Variants in FBXO11 observed in about 807,000 individuals in gnomAD.
The protein encoded by FBXO11 is F-box protein 11.
A neutral mutation model predicts 117.0 loss-of-function variants in FBXO11; 13 were observed. The observed-to-expected ratio is 0.11, with a 90% CI of 0.07 to 0.18. The LOEUF is 0.18. Among genes scored for constraint, FBXO11 ranks in the 10% least tolerant of loss-of-function variants. The probability of loss-of-function intolerance (pLI) is 1.00; values close to 1 mark genes in which losing one functional copy is unlikely to be tolerated. For synonymous variants in FBXO11, 490 were observed against 380.5 expected, an observed-to-expected ratio of 1.29 and a Z score of -3.35; for missense variants, 767 against 1,164.4, an observed-to-expected ratio of 0.66 and a Z score of 4.97.
At chr2:47,885,527 C>T (rs1337706906) in intron 1 of FBXO11, among the ~76,000 whole-genome samples, 2 of 151,690 alleles carry the variant, frequency 1.3e-5, no homozygotes, top group Non-Finnish European at 2.9e-5. Flanking sequence ...GTGAGCCGAG[C>T]TCACACCACT....
intron 1 of FBXO11, among the ~76,000 whole-genome samples, chr2:47,896,255 C>A (rs982460065): frequency 1.3e-5 from 2 of 151,850 alleles, no homozygotes; most frequent in Non-Finnish European, 2.9e-5. Context: ...CTTTACTCTC[C>A]CCCTCCCCCA....
chr2:47,807,542 A>G lies in FBXO11; in HGVS notation c.*576T>C, dbSNP rs1481790533. ...TACATACTGGGACATGAGTACAGTTACAGCAAGTCTAGGTGTGCTAACAAA... is the reference window on the plus strand; with the variant it reads ...TACATACTGGGACATGAGTACAGTTGCAGCAAGTCTAGGTGTGCTAACAAA... On this transcript the variant is annotated 3_prime_UTR_variant, in exon 23 of 23. Transcript: ENST00000403359. 3.3e-5 allele frequency: 7 copies of G among 212,852 alleles called. No homozygotes were observed. Among genetic ancestry groups the G allele is most frequent in the African/African-American group, 1.6e-4 (7 of 44,194 alleles). 13.2% of individuals were successfully genotyped at this position (212,852 alleles called of 1,614,324 possible).
chr2:47,809,557 G>A (rs781350474), intron 20 of FBXO11, 43 bp downstream of exon 20: 3 of 1,351,602 alleles, frequency 2.2e-6, no homozygotes, highest in East Asian at 4.6e-5. Context: ...TATCTTTCAT[G>A]GCATATTGCA....
In FBXO11 at chr2:47,822,222, A is replaced by G. The variant is rs1671444750; in HGVS notation, c.1698T>C (p.Ile566=). The change falls in exon 13 of 23, where the codon ATT becomes ATC. Residue 566 remains isoleucine, a synonymous_variant. Transcript: ENST00000403359. ...DGRGLIEGND[I]YGNALAGIQI... ...AGAACAAAACCATACGCTTACCATAAATGTCATTTCCTTCAATAAGGCCTC... is the reference window on the plus strand; with the variant it reads ...AGAACAAAACCATACGCTTACCATAGATGTCATTTCCTTCAATAAGGCCTC... 2.5e-6 allele frequency: 4 copies of G among 1,584,410 alleles called. No homozygotes were observed. The highest frequency in any genetic ancestry group is 3.4e-6 in the Non-Finnish European group (4 of 1,162,824).
At chr2:47,858,290 G>A (rs1021679987) in intron 1 of FBXO11, among the ~76,000 whole-genome samples, 1 of 151,888 alleles carries the variant, frequency 6.6e-6, no homozygotes, top group African/African-American at 2.4e-5. Flanking sequence ...GATTACAGGC[G>A]TGAGCCACCG....
intron 1 of FBXO11, among the ~76,000 whole-genome samples, chr2:47,867,082 C>T (rs934671944): frequency 9.2e-5 from 14 of 152,170 alleles, no homozygotes; most frequent in African/African-American, 3.4e-4. Flanking sequence ...TTTTGTCTAA[C>T]ATTGCTTCAT....
At chr2:47,842,929 AACC>A (rs776729899) in intron 1 of FBXO11, among the ~76,000 whole-genome samples, 31 of 152,250 alleles carry the variant, frequency 2.0e-4, no homozygotes, top group Non-Finnish European at 1.9e-4. Flanking sequence ...TGCAGATGTG[AACC>A]ACCACACCTG....
At chr2:47,895,977 G>A (rs1050293940) in intron 1 of FBXO11, among the ~76,000 whole-genome samples, 2 of 152,300 alleles carry the variant, frequency 1.3e-5, no homozygotes, top group South Asian at 2.1e-4. Context: ...TTGCAGGCAT[G>A]AGCCACCATG....
At chr2:47,903,776 T>C (rs557842476) in intron 1 of FBXO11, among the ~76,000 whole-genome samples, 1 of 152,342 alleles carries the variant, frequency 6.6e-6, no homozygotes, top group East Asian at 1.9e-4. Flanking sequence ...CATTGTTTTC[T>C]CAAACATATT....
At chr2:47,813,972 G>T in intron 16 of FBXO11, 105 bp from the exon 17 acceptor site, 1 of 844,070 alleles carries the variant, frequency 1.2e-6, no homozygotes, top group South Asian at 1.5e-5. Context: ...CACTTAGTAA[G>T]AATTAACTAT....
At chr2:47,815,346 G>GGA (rs1670935693) in intron 16 of FBXO11, among the ~76,000 whole-genome samples, 1 of 152,172 alleles carries the variant, frequency 6.6e-6, no homozygotes, top group African/African-American at 2.4e-5. Flanking sequence ...CAGGGAGAAG[G>GGA]GAGAGAGTGA....
chr2:47,892,857 G>GT lies in FBXO11; in HGVS notation c.232+12631dup, dbSNP rs966629750. 2.4e-3 allele frequency among the ~76,000 whole-genome samples: 359 copies of GT among 151,018 alleles called. 3 individuals carry two copies. The highest frequency in any genetic ancestry group is 7.6e-3 in the African/African-American group (312 of 41,138). On this transcript the variant is annotated intron_variant, in intron 1 of 22. Coordinates refer to ENST00000403359, the MANE Select transcript of FBXO11 (RefSeq NM_001190274.2). ...CTGCAGTTAATTTTCTTATCTAGGC[G>GT]TTTTTTTTTAAGTCATTTACATCAA...
intron 22 of FBXO11, 25 bp downstream of exon 22, chr2:47,808,302 AAT>A: frequency 6.2e-7 from 1 of 1,612,514 alleles, no homozygotes; most frequent in Non-Finnish European, 8.5e-7. Context: ...GTAATTGGGT[AAT>A]ATATCAAGCA....
In FBXO11 at chr2:47,905,643, C is replaced by CTGCTGCTGCTGT; in HGVS notation, c.66_77dup (p.Gln23_Gln26dup). ...GCTGCGGCGGCGGCTGCTGCGGGGG[C>CTGCTGCTGCTGT]TGCTGCTGCTGTTGCTGCACCGGGC... On this transcript the variant is annotated inframe_insertion, in exon 1 of 23. Coordinates refer to ENST00000403359, the MANE Select transcript of FBXO11 (RefSeq NM_001190274.2). The CTGCTGCTGCTGT allele has an allele frequency of 7.0e-7, 1 of 1,432,470 alleles. No individual in the cohort carries two copies. The highest frequency in any genetic ancestry group is 9.2e-7 in the Non-Finnish European group (1 of 1,088,568). 88.7% of individuals were successfully genotyped at this position (1,432,470 alleles called of 1,614,324 possible).
intron 1 of FBXO11, among the ~76,000 whole-genome samples, chr2:47,900,979 T>G (rs966277680): frequency 6.9e-6 from 1 of 144,436 alleles, no homozygotes; most frequent in South Asian, 2.1e-4. Flanking sequence ...GTACGTATAA[T>G]ATTACATAAA....
chr2:47,811,155 G>A (rs1670585097), intron 18 of FBXO11: 1 of 152,148 alleles, frequency 6.6e-6, no homozygotes, highest in African/African-American at 2.4e-5. Context: ...TAATATTTCT[G>A]GGTTCTGTCC....
At chr2:47,862,270 C>T (rs1674835919) in intron 1 of FBXO11, among the ~76,000 whole-genome samples, 1 of 151,984 alleles carries the variant, frequency 6.6e-6, no homozygotes, top group Non-Finnish European at 1.5e-5. Context: ...AAGTTACATC[C>T]AAAAGCATCT....
At chr2:47,823,030 T>G in intron 12 of FBXO11, 113 bp downstream of exon 12, 1 of 661,546 alleles carries the variant, frequency 1.5e-6, no homozygotes, top group Non-Finnish European at 2.5e-6. Context: ...AAATCTATTT[T>G]ATAGTAGTCA....
chr2:47,853,533 C>T (rs529288399), intron 1 of FBXO11, among the ~76,000 whole-genome samples: 1 of 152,030 alleles, frequency 6.6e-6, no homozygotes, highest in Non-Finnish European at 1.5e-5. Context: ...AGCACAATGA[C>T]TAAGGATACA....
Sources: allele counts gnomAD v4.1 joint callset (sites outside exome capture counted in the v4.1 genomes callset), GRCh38; gene constraint gnomAD v4.1.1; transcripts MANE v1.5; gene names NCBI Gene and HGNC (gene_info 2026-07-23, HGNC 2026-07-21).